MLXIP: variants seen among roughly 807,000 people sequenced by gnomAD.
MLXIP encodes MLX interacting protein.
MLXIP carries 30 observed loss-of-function variants against 87.2 expected under a neutral mutation model. The observed-to-expected ratio is 0.34, with a 90% CI of 0.26 to 0.47. The LOEUF (loss-of-function observed/expected upper bound fraction) is 0.47. MLXIP is among the 20% of genes least tolerant of loss of function. The probability of loss-of-function intolerance (pLI) is 1.00; values close to 1 mark genes in which losing one functional copy is unlikely to be tolerated. For missense variants in MLXIP, 1,002 were observed against 1,240.1 expected, an observed-to-expected ratio of 0.81 and a Z score of 2.88; for synonymous variants, 530 against 514.0, an observed-to-expected ratio of 1.03 and a Z score of -0.42.
chr12:122,138,655 T>C, intron 14 of MLXIP, 104 bp downstream of exon 14: 1 of 1,503,026 alleles, frequency 6.7e-7, no homozygotes, highest in Non-Finnish European at 8.9e-7. Flanking sequence ...TCAGTGCCTC[T>C]TTGCTGCAGT....
At chr12:122,116,517 T>C (rs1490259931) in intron 1 of MLXIP, among the ~76,000 whole-genome samples, 2 of 152,222 alleles carry the variant, frequency 1.3e-5, no homozygotes, top group Non-Finnish European at 2.9e-5. Context: ...CTTGCAAATC[T>C]GGTTTCATCT....
intron 1 of MLXIP, among the ~76,000 whole-genome samples, chr12:122,105,710 G>A (rs1408201966): frequency 6.6e-6 from 1 of 151,728 alleles, no homozygotes; most frequent in African/African-American, 2.4e-5. Flanking sequence ...CCTTTTAGAG[G>A]CGGAGCTTGC....
intron 1 of MLXIP, among the ~76,000 whole-genome samples, chr12:122,108,431 C>G (rs1220622641): frequency 6.6e-6 from 1 of 150,612 alleles, no homozygotes; most frequent in African/African-American, 2.4e-5. Flanking sequence ...ATTTTGCCAT[C>G]AGAGGAATCA....
intron 9 of MLXIP, 85 bp downstream of exon 9, chr12:122,134,072 C>A: frequency 7.1e-7 from 1 of 1,414,476 alleles, no homozygotes; most frequent in Non-Finnish European, 9.4e-7. Flanking sequence ...AAACTTGTGA[C>A]CACCACCACC....
intron 1 of MLXIP, among the ~76,000 whole-genome samples, chr12:122,107,809 T>C (rs1421000497): frequency 6.6e-6 from 1 of 151,852 alleles, no homozygotes; most frequent in Non-Finnish European, 1.5e-5. Context: ...AAGGGGGATT[T>C]GGGGGGACAT....
chr12:122,135,045 G>A lies in MLXIP; in HGVS notation c.1733-179G>A, dbSNP rs770497009. 1.4e-6 allele frequency: 1 copy of A among 690,708 alleles called. No individual in the cohort carries two copies. Among genetic ancestry groups the A allele is most frequent in the South Asian group, 1.7e-5 (1 of 60,590 alleles). 42.8% of individuals were successfully genotyped at this position (690,708 alleles called of 1,614,324 possible). A position where few individuals can be genotyped will look rare whatever the true frequency, so the allele number is the denominator to read the frequency against. The stretch of plus-strand genomic sequence containing the variant: ...ATGGTCCTGGCCATCTCTTTCCTGG[G>A]TCTATAACATGTCTCCTTCAAGAAG... On this transcript the variant is annotated intron_variant, in intron 9 of 16. Coordinates refer to ENST00000319080, the MANE Select transcript of MLXIP (RefSeq NM_014938.6). The surrounding 1 kb of genome is among the most constrained non-coding windows in gnomAD (Gnocchi z 5.3).
chr12:122,110,607 C>CA (rs1220221244), intron 1 of MLXIP, among the ~76,000 whole-genome samples: 4 of 151,422 alleles, frequency 2.6e-5, no homozygotes, highest in Non-Finnish European at 4.4e-5. Flanking sequence ...TTATCTTTAC[C>CA]AAAAAAATTA....
chr12:122,132,338 A>T lies in MLXIP; in HGVS notation c.1047A>T (p.Ala349=). Residue 349 remains alanine, a synonymous_variant, in exon 8 of 17, where the codon GCA becomes GCT. Coordinates refer to ENST00000319080, the MANE Select transcript of MLXIP (RefSeq NM_014938.6). ...SRSIFGSMLP[A]SASAPVPDPN... Reference sequence around the variant, plus strand: ...CCATTTTTGGCTCCATGCTACCTGCATCTGCCTCAGCACCTGTACCAGATC... The same window carrying T: ...CCATTTTTGGCTCCATGCTACCTGCTTCTGCCTCAGCACCTGTACCAGATC... The T allele has an allele frequency of 1.2e-6, 2 of 1,613,384 alleles. No individual in the cohort carries two copies. The highest frequency in any genetic ancestry group is 1.7e-6 in the Non-Finnish European group (2 of 1,179,662).
chr12:122,086,468 A>G (rs1198211279), intron 1 of MLXIP, among the ~76,000 whole-genome samples: 1 of 152,186 alleles, frequency 6.6e-6, no homozygotes, highest in Non-Finnish European at 1.5e-5. Flanking sequence ...TTTCTATAAT[A>G]GAAGTGTTGT....
Position 122,138,208 on chromosome 12 carries a change from G to A in MLXIP, c.2169G>A (p.Lys723=), listed in dbSNP as rs753699143. ...NVAALKNRQM[K]HISAEQKRRF... ...TTCTCCAGCAGAACCGGCAGATGAAGCACATCTCAGCTGAGCAGAAAAGGC... is the reference window on the plus strand; with the variant it reads ...TTCTCCAGCAGAACCGGCAGATGAAACACATCTCAGCTGAGCAGAAAAGGC... Residue 723 remains lysine (K), a synonymous_variant, in exon 13 of 17, where the codon AAG becomes AAA. Coordinates refer to ENST00000319080, the MANE Select transcript of MLXIP (RefSeq NM_014938.6). 1.5e-5 allele frequency: 24 copies of A among 1,605,274 alleles called. No homozygotes were observed. In the South Asian group the frequency reaches 2.6e-4, roughly 17 times the overall value.
Position 122,142,778 on chromosome 12 carries a change from G to A in MLXIP, c.*966G>A, listed in dbSNP as rs1953232561. The A allele has an allele frequency of 6.0e-6, 1 of 167,180 alleles. No individual in the cohort carries two copies. Among genetic ancestry groups the A allele is most frequent in the Non-Finnish European group, 1.3e-5 (1 of 76,726 alleles). The allele number at this position is 167,180 out of a possible 1,614,324, so 10.4% of individuals were successfully genotyped here. A position where few individuals can be genotyped will look rare whatever the true frequency, so the allele number is the denominator to read the frequency against. On this transcript the variant is annotated 3_prime_UTR_variant, in exon 17 of 17. Transcript: ENST00000319080. ...CTTTCAGCTGGGAGCCCCAAACCAG[G>A]ACAGTTCTCGGACCAAAGATGCCCC...
At chr12:122,108,309 A>G (rs1232543865) in intron 1 of MLXIP, among the ~76,000 whole-genome samples, 1 of 148,832 alleles carries the variant, frequency 6.7e-6, no homozygotes. Flanking sequence ...CAGAGGTTGC[A>G]GTGAGCTGAG....
rs769690738 is a variant in MLXIP, at chr12:122,135,196, C to T, written c.1733-28C>T. On this transcript the variant is annotated intron_variant, in intron 9 of 16. Transcript: ENST00000319080. This position sits in a 1 kb window ranked among gnomAD's most constrained non-coding sequence, Gnocchi z 5.3. ...GGCCAGGCCCTGTGGCCCAGGGCTG[C>T]ACCTGAACATCCTCCTTATCCTGGC... The T allele has an allele frequency of 5.6e-6, 9 of 1,610,102 alleles. No individual in the cohort carries two copies. Among genetic ancestry groups the T allele is most frequent in the Non-Finnish European group, 7.6e-6 (9 of 1,178,692 alleles).
At chr12:122,099,848 G>A (rs572109826) in intron 1 of MLXIP, among the ~76,000 whole-genome samples, 3 of 152,324 alleles carry the variant, frequency 2.0e-5, no homozygotes, top group African/African-American at 7.2e-5. Context: ...TGGTGGGTGG[G>A]AGGGTGGAGG....
At position 122,133,301 on chromosome 12, in the gene MLXIP, T is replaced by G. The variant is rs1188804562; in HGVS notation, c.1093-47T>G. 6.6e-7 allele frequency: 1 copy of G among 1,515,768 alleles called. No individual in the cohort carries two copies. Among genetic ancestry groups the G allele is most frequent in the Non-Finnish European group, 8.8e-7 (1 of 1,134,580 alleles). The allele number at this position is 1,515,768 out of a possible 1,614,324, so 93.9% of individuals were successfully genotyped here. A position where few individuals can be genotyped will look rare whatever the true frequency, so the allele number is the denominator to read the frequency against. On this transcript the variant is annotated intron_variant, in intron 8 of 16. Coordinates refer to ENST00000319080, the MANE Select transcript of MLXIP (RefSeq NM_014938.6). The surrounding 1 kb of genome is among the most constrained non-coding windows in gnomAD (Gnocchi z 4.9). ...GGCAGTGTGCAGCGCTAGAAAGGAA[T>G]TGTCTGACCCCAGCATTGCTTCCTG...
chr12:122,127,383 G>T (rs1313718281), intron 2 of MLXIP, 21 bp downstream of exon 2: 1 of 1,567,370 alleles, frequency 6.4e-7, no homozygotes, highest in African/African-American at 1.4e-5. Context: ...CCCAGCCTGG[G>T]CGCCGGTGGT....
intron 1 of MLXIP, among the ~76,000 whole-genome samples, chr12:122,110,298 A>G (rs1952584190): frequency 6.6e-6 from 1 of 151,124 alleles, no homozygotes; most frequent in African/African-American, 2.4e-5. Flanking sequence ...TCTTTTTTTT[A>G]TTTTTTGAGA....
At chr12:122,127,164 A>G (rs201043992) in intron 1 of MLXIP, 92 bp from the exon 2 acceptor site, 6 of 977,782 alleles carry the variant, frequency 6.1e-6, no homozygotes, top group Non-Finnish European at 9.6e-6. Flanking sequence ...ATCAGTCAAG[A>G]GTTTGGTCCT....
At chr12:122,116,117 C>T (rs1296610455) in intron 1 of MLXIP, among the ~76,000 whole-genome samples, 2 of 151,064 alleles carry the variant, frequency 1.3e-5, no homozygotes, top group Admixed American at 6.6e-5. Context: ...CTGTAAATGA[C>T]GTGTAGTCTG....
Sources: gnomAD v4.1 joint callset for allele counts (sites outside exome capture counted in the v4.1 genomes callset) on GRCh38, gnomAD v4.1.1 for gene constraint, Gnocchi (gnomAD v3.1) non-coding constraint, MANE v1.5 for transcripts, NCBI Gene and HGNC (gene_info 2026-07-23, HGNC 2026-07-21) for gene names.